MCU: variants seen among roughly 807,000 people sequenced by gnomAD.
MCU encodes mitochondrial calcium uniporter.
Under a neutral mutation model 45.2 loss-of-function variants are expected in MCU, and 12 were observed. The ratio of observed to expected loss-of-function variants is 0.27; its 90% confidence interval spans 0.17 to 0.43. The LOEUF is 0.43. Among genes scored for constraint, MCU ranks in the 20% least tolerant of loss-of-function variants. The pLI is 1.00. For missense variants in MCU, 324 were observed against 436.7 expected (o/e 0.74, Z 2.30); for synonymous variants, 160 against 165.1 (o/e 0.97, Z 0.24).
intron 2 of MCU, among the ~76,000 whole-genome samples, chr10:72,853,714 A>G (rs1431280341): frequency 6.6e-6 from 1 of 152,184 alleles, no homozygotes; most frequent in Non-Finnish European, 1.5e-5. Context: ...ATAAAAGGAA[A>G]ATGTTGAAAA....
intron 1 of MCU, among the ~76,000 whole-genome samples, chr10:72,749,548 G>A (rs1411946165): frequency 1.3e-5 from 2 of 151,970 alleles, no homozygotes; most frequent in African/African-American, 2.4e-5. Context: ...GTGTTTGTAA[G>A]GACTGCTTTC....
In MCU at chr10:72,804,071, T is replaced by A. The variant is rs866413362; in HGVS notation, c.151-30288T>A. On this transcript the variant is annotated intron_variant, in intron 1 of 7. Transcript: ENST00000373053. ...ATATATATATATATATATATATATA[T>A]ATAAAATAAGAGTGCCAACAATTTA... Among the ~76,000 whole-genome samples the A allele has an allele frequency of 3.0e-4, 18 of 59,400 alleles. 1 individual carries two copies. The highest frequency in any genetic ancestry group is 8.1e-4 in the African/African-American group (10 of 12,284). The allele number at this position is 59,400 out of a possible 152,430, so 39.0% of individuals were successfully genotyped here.
In MCU at chr10:72,692,297, G is replaced by A. The variant is rs2132637224; in HGVS notation, c.146G>A (p.Arg49Gln). The change falls in exon 1 of 8, where the codon CGG (arginine) becomes CAG (glutamine). Residue 49 changes from arginine to glutamine, a missense_variant. By Grantham distance (43) the Arg-to-Gln change is conservative. This residue lies in a region of MCU where 111 missense variants were observed against 112.3 expected (regional missense o/e 0.99). Coordinates refer to ENST00000373053, the MANE Select transcript of MCU (RefSeq NM_138357.3). ...VSRHRQQQHH[R>Q]TVHQRIASWQ... Reference sequence around the variant, plus strand: ...CGCCACCGGCAGCAGCAGCACCACCGGACGGTGAGCGAGCGCGCCCGGAGG... The same window carrying A: ...CGCCACCGGCAGCAGCAGCACCACCAGACGGTGAGCGAGCGCGCCCGGAGG... 1 of 1,219,924 alleles carries A rather than the reference G, an allele frequency of 8.2e-7. No individual in the cohort carries two copies. The allele number at this position is 1,219,924 out of a possible 1,614,324, so 75.6% of individuals were successfully genotyped here. A position where few individuals can be genotyped will look rare whatever the true frequency, so the allele number is the denominator to read the frequency against.
chr10:72,878,680 T>G (rs1028556661), intron 6 of MCU, among the ~76,000 whole-genome samples: 1 of 152,032 alleles, frequency 6.6e-6, no homozygotes, highest in Admixed American at 6.6e-5. Context: ...TAATAGCAGA[T>G]TAGACATAAC....
At chr10:72,793,185 C>T (rs773664081) in intron 1 of MCU, among the ~76,000 whole-genome samples, 1 of 152,102 alleles carries the variant, frequency 6.6e-6, no homozygotes, top group Non-Finnish European at 1.5e-5. Context: ...CCTGATTACA[C>T]TGCTTTTTAA....
intron 1 of MCU, among the ~76,000 whole-genome samples, chr10:72,722,826 A>G (rs2132674258): frequency 6.6e-6 from 1 of 152,284 alleles, no homozygotes; most frequent in East Asian, 1.9e-4. Flanking sequence ...TCTCAAGACT[A>G]CTGGACATGG....
chr10:72,778,654 A>G (rs1380238608), intron 1 of MCU, among the ~76,000 whole-genome samples: 1 of 152,186 alleles, frequency 6.6e-6, no homozygotes, highest in Non-Finnish European at 1.5e-5. Context: ...GTAATAAACC[A>G]ATATTCATAA....
chr10:72,857,716 T>C (rs902516596), intron 2 of MCU, among the ~76,000 whole-genome samples: 8 of 152,178 alleles, frequency 5.3e-5, no homozygotes, highest in African/African-American at 1.9e-4. Flanking sequence ...TAAAAATGCA[T>C]TTTTAAAAAA....
At chr10:72,820,255 G>A (rs972207061) in intron 1 of MCU, among the ~76,000 whole-genome samples, 6 of 152,004 alleles carry the variant, frequency 3.9e-5, no homozygotes, top group Non-Finnish European at 7.4e-5. Flanking sequence ...AGTATGTGCC[G>A]GGTACCATAG....
chr10:72,720,838 A>C (rs1843011986), intron 1 of MCU, among the ~76,000 whole-genome samples: 2 of 152,206 alleles, frequency 1.3e-5, no homozygotes, highest in Admixed American at 1.3e-4. Context: ...AGCTGAAGAT[A>C]TGTAACGTGC....
chr10:72,718,513 G>C (rs553085384), intron 1 of MCU, among the ~76,000 whole-genome samples: 1 of 152,248 alleles, frequency 6.6e-6, no homozygotes, highest in African/African-American at 2.4e-5. Context: ...ACCTTCTGAT[G>C]AATCTATTAA....
chr10:72,862,117 G>A (rs887146857), intron 4 of MCU, among the ~76,000 whole-genome samples: 9 of 151,814 alleles, frequency 5.9e-5, no homozygotes, highest in South Asian at 2.1e-4. Context: ...GAGTAGCTGG[G>A]ACTACAGGTG....
intron 1 of MCU, among the ~76,000 whole-genome samples, chr10:72,762,513 G>T (rs1010001378): frequency 6.6e-6 from 1 of 152,032 alleles, no homozygotes; most frequent in East Asian, 1.9e-4. Flanking sequence ...ATAAAAAGAG[G>T]CATGTGAGAA....
intron 1 of MCU, among the ~76,000 whole-genome samples, chr10:72,774,327 TTCTCA>T: frequency 6.6e-6 from 1 of 152,316 alleles, no homozygotes; most frequent in Non-Finnish European, 1.5e-5. Flanking sequence ...TTGATCTAAG[TTCTCA>T]TCTCTTTAAA....
At chr10:72,872,532 C>G (rs1845559882) in intron 6 of MCU, among the ~76,000 whole-genome samples, 1 of 152,178 alleles carries the variant, frequency 6.6e-6, no homozygotes, top group Admixed American at 6.5e-5. Flanking sequence ...CTTTCTGTCC[C>G]TGGCCTATTT....
intron 1 of MCU, among the ~76,000 whole-genome samples, chr10:72,750,072 A>C (rs922707750): frequency 3.3e-5 from 5 of 151,658 alleles, no homozygotes; most frequent in Admixed American, 1.3e-4. Context: ...GGTGTGAGCC[A>C]CTGTGCCCAG....
At chr10:72,870,923 G>C (rs1845532506) in intron 5 of MCU, among the ~76,000 whole-genome samples, 1 of 151,778 alleles carries the variant, frequency 6.6e-6, no homozygotes, top group South Asian at 2.1e-4. Context: ...TTTTTTTCAA[G>C]GGGGTTTCAT....
chr10:72,814,384 GT>G (rs140279470), intron 1 of MCU, among the ~76,000 whole-genome samples: 1 of 150,630 alleles, frequency 6.6e-6, no homozygotes, highest in African/African-American at 2.4e-5. Context: ...GGAGTTTTTT[GT>G]TTTTTTTTAA....
chr10:72,767,649 A>G (rs1843747895), intron 1 of MCU, among the ~76,000 whole-genome samples: 1 of 152,028 alleles, frequency 6.6e-6, no homozygotes, highest in Admixed American at 6.6e-5. Flanking sequence ...CGCCTGACCC[A>G]TTTCAGCTCT....
Sources: allele counts gnomAD v4.1 joint callset (sites outside exome capture counted in the v4.1 genomes callset), GRCh38; gene constraint gnomAD v4.1.1; regional missense constraint gnomAD v4.1.1; transcripts MANE v1.5; gene names NCBI Gene and HGNC (gene_info 2026-07-23, HGNC 2026-07-21).